The following RBFOX1 variants were observed in gnomAD, a reference collection of about 807,000 sequenced individuals.
RBFOX1 encodes RNA binding fox-1 homolog 1, also known as RNA binding protein fox-1 homolog 1.
RBFOX1 carries 8 observed loss-of-function variants against 57.7 expected under a neutral mutation model. That is an observed-to-expected ratio of 0.14 (90% CI 0.08 to 0.25). The LOEUF is 0.25. RBFOX1 is among the 10% of genes least tolerant of loss of function. The pLI is 1.00. For missense variants in RBFOX1, 611 were observed against 548.5 expected (o/e 1.11, Z -1.14); for synonymous variants, 326 against 222.4 (o/e 1.47, Z -4.15).
At chr16:5,991,981 A>G (rs1409051976) in intron 4 of RBFOX1, among the ~76,000 whole-genome samples, 1 of 152,246 alleles carries the variant, frequency 6.6e-6, no homozygotes, top group African/African-American at 2.4e-5. Context: ...CAGGCTAGAG[A>G]GAATCAGGTA....
At chr16:5,733,704 C>G (rs1262833774) in intron 3 of RBFOX1, among the ~76,000 whole-genome samples, 2 of 152,024 alleles carry the variant, frequency 1.3e-5, no homozygotes, top group Admixed American at 1.3e-4. Flanking sequence ...GCTTCCTTCT[C>G]CCTTTCCCTC....
At chr16:7,390,012 C>G (rs545791129) in intron 4 of RBFOX1, among the ~76,000 whole-genome samples, 3 of 152,160 alleles carry the variant, frequency 2.0e-5, no homozygotes, top group East Asian at 1.9e-4. Flanking sequence ...CTGGGGAGGC[C>G]TCAGGAAACT....
chr16:5,333,762 C>A (rs186245837), intron 1 of RBFOX1, among the ~76,000 whole-genome samples: 106 of 152,338 alleles, frequency 7.0e-4, no homozygotes, highest in African/African-American at 2.4e-3. Flanking sequence ...ACTTATCACT[C>A]CTAGGCTGCA....
chr16:5,495,967 A>G (rs2151683358), intron 2 of RBFOX1, among the ~76,000 whole-genome samples: 1 of 152,264 alleles, frequency 6.6e-6, no homozygotes, highest in Non-Finnish European at 1.5e-5. Flanking sequence ...CTCTACTAAA[A>G]ATACAAACAT....
intron 2 of RBFOX1, among the ~76,000 whole-genome samples, chr16:6,405,405 C>T (rs568602936): frequency 6.6e-6 from 1 of 152,290 alleles, no homozygotes; most frequent in South Asian, 2.1e-4. Context: ...TTGGGAAGTG[C>T]ACCAAATAGT....
chr16:5,806,614 G>A (rs556342525), intron 3 of RBFOX1, among the ~76,000 whole-genome samples: 23 of 152,292 alleles, frequency 1.5e-4, no homozygotes, highest in African/African-American at 5.3e-4. Context: ...CTGCTTTGCT[G>A]TTCAAGGGTG....
At chr16:7,522,089 G>C (rs1272909264) in intron 5 of RBFOX1, among the ~76,000 whole-genome samples, 1 of 152,072 alleles carries the variant, frequency 6.6e-6, no homozygotes, top group African/African-American at 2.4e-5. Context: ...CCAGCCCTGG[G>C]GTCACTGAGG....
At chr16:5,714,530 G>T (rs1373847077) in intron 3 of RBFOX1, among the ~76,000 whole-genome samples, 1 of 152,200 alleles carries the variant, frequency 6.6e-6, no homozygotes, top group Non-Finnish European at 1.5e-5. Context: ...AACCTGGGTG[G>T]GACCTTAGAT....
intron 3 of RBFOX1, among the ~76,000 whole-genome samples, chr16:6,942,198 C>T (rs987766540): frequency 2.6e-5 from 4 of 152,120 alleles, no homozygotes; most frequent in Non-Finnish European, 5.9e-5. Flanking sequence ...AAGATGGCAC[C>T]ACTGTGCTCC....
At chr16:6,098,683 C>G (rs551617133) in intron 1 of RBFOX1, among the ~76,000 whole-genome samples, 1 of 152,344 alleles carries the variant, frequency 6.6e-6, no homozygotes, top group South Asian at 2.1e-4. Context: ...CACCAAAAAG[C>G]TCATCATCTG....
intron 2 of RBFOX1, among the ~76,000 whole-genome samples, chr16:6,378,936 T>C (rs751452024): frequency 6.6e-6 from 1 of 152,030 alleles, no homozygotes; most frequent in Non-Finnish European, 1.5e-5. Context: ...ACTGATCTTG[T>C]TGAGAGAGGA....
intron 3 of RBFOX1, among the ~76,000 whole-genome samples, chr16:5,833,316 AC>A (rs754859390): frequency 9.2e-5 from 14 of 151,922 alleles, no homozygotes; most frequent in Non-Finnish European, 1.5e-4. Flanking sequence ...ACACGGTGAA[AC>A]CCCATCTCTA....
At chr16:7,445,336 G>A (rs12149598) in intron 4 of RBFOX1, among the ~76,000 whole-genome samples, 87,027 of 151,964 alleles carry the variant, frequency 0.57, 25,296 homozygotes, top group African/African-American at 0.67. Flanking sequence ...AGCACTCCCC[G>A]CTACTCCTCT....
At chr16:6,542,543 G>A (rs1046258381) in intron 2 of RBFOX1, among the ~76,000 whole-genome samples, 4 of 132,034 alleles carry the variant, frequency 3.0e-5, no homozygotes, top group Non-Finnish European at 6.2e-5. Context: ...AGGCTGGAGT[G>A]CAGTGGCCTT....
intron 4 of RBFOX1, among the ~76,000 whole-genome samples, chr16:7,323,566 T>TG (rs2096572991): frequency 6.6e-6 from 1 of 152,250 alleles, no homozygotes; most frequent in African/African-American, 2.4e-5. Context: ...TCTCAGTTCA[T>TG]GGGGATAGCT....
At chr16:6,903,109 G>A (rs763092373) in intron 3 of RBFOX1, among the ~76,000 whole-genome samples, 8 of 152,166 alleles carry the variant, frequency 5.3e-5, no homozygotes, top group Non-Finnish European at 1.2e-4. Flanking sequence ...ACTTCTTGGA[G>A]GACGCGATTC....
chr16:7,505,732 G>C (rs1010046043), intron 4 of RBFOX1, among the ~76,000 whole-genome samples: 1 of 152,200 alleles, frequency 6.6e-6, no homozygotes, highest in African/African-American at 2.4e-5. Flanking sequence ...GCCATGGCAA[G>C]ATGGCTTCCA....
chr16:7,249,405 C>A (rs1358679234), intron 4 of RBFOX1, among the ~76,000 whole-genome samples: 2 of 152,150 alleles, frequency 1.3e-5, no homozygotes, highest in Non-Finnish European at 2.9e-5. Context: ...CATCACTAGA[C>A]TTCCAAGGGC....
chr16:6,235,490 A>G (rs2097498837), intron 1 of RBFOX1, among the ~76,000 whole-genome samples: 1 of 152,058 alleles, frequency 6.6e-6, no homozygotes, highest in Non-Finnish European at 1.5e-5. Flanking sequence ...TTGCAAAAAT[A>G]TAGAACCAGC....
Sources: allele counts gnomAD v4.1 joint callset (sites outside exome capture counted in the v4.1 genomes callset), GRCh38; gene constraint gnomAD v4.1.1; transcripts MANE v1.5; gene names NCBI Gene and HGNC (gene_info 2026-07-23, HGNC 2026-07-21).